DPYD: variants seen among roughly 807,000 people sequenced by gnomAD.
DPYD encodes dihydropyrimidine dehydrogenase, also known as dihydropyrimidine dehydrogenase [NADP(+)].
In DPYD, 109 loss-of-function variants were observed where a neutral mutation model predicts 116.2. The ratio of observed to expected loss-of-function variants is 0.94; its 90% CI spans 0.80 to 1.10. DPYD has a LOEUF of 1.10. Ranked by LOEUF, DPYD falls within the 50% of genes least tolerant of loss-of-function variation. The probability of loss-of-function intolerance (pLI) is 0.00; values close to 1 mark genes in which losing one functional copy is unlikely to be tolerated. For synonymous variants in DPYD, 440 were observed against 432.0 expected (o/e 1.02, Z -0.23); for missense variants, 1,302 against 1,254.5 (o/e 1.04, Z -0.57).
intron 3 of DPYD, among the ~76,000 whole-genome samples, chr1:97,767,632 T>A (rs536502939): frequency 1.3e-5 from 2 of 152,032 alleles, no homozygotes; most frequent in Non-Finnish European, 2.9e-5. Context: ...AAATCCCAAA[T>A]GTGTGAAAGA....
chr1:97,564,530 T>C (rs1156452141), intron 11 of DPYD, among the ~76,000 whole-genome samples: 3 of 152,206 alleles, frequency 2.0e-5, no homozygotes, highest in Non-Finnish European at 2.9e-5. Context: ...TAATTCCCAA[T>C]GTCTGTTTTC....
At chr1:97,654,146 A>G (rs1049434561) in intron 8 of DPYD, among the ~76,000 whole-genome samples, 1 of 152,220 alleles carries the variant, frequency 6.6e-6, no homozygotes, top group South Asian at 2.1e-4. Context: ...GGCCAAATAG[A>G]TTACAGAATA....
intron 20 of DPYD, among the ~76,000 whole-genome samples, chr1:97,147,026 A>C (rs905186830): frequency 1.4e-4 from 22 of 152,164 alleles, no homozygotes; most frequent in Admixed American, 1.0e-3. Flanking sequence ...CTGAAAGATA[A>C]TTTACATGGA....
At chr1:97,676,350 T>C (rs1660144921) in intron 8 of DPYD, among the ~76,000 whole-genome samples, 1 of 152,152 alleles carries the variant, frequency 6.6e-6, no homozygotes, top group Non-Finnish European at 1.5e-5. Flanking sequence ...AAGAATTGAT[T>C]TGTGTAACTT....
rs72732324 is a variant in DPYD at position 97,570,339 on chromosome 1, C to T, written c.1339+3421G>A. Among the ~76,000 whole-genome samples the T allele has an allele frequency of 4.6e-3, 695 of 151,990 alleles. 9 individuals are homozygous for T. Among genetic ancestry groups the T allele is most frequent in the African/African-American group, 0.016 (650 of 41,506 alleles). ...AATTTATCACTGTACTTTATATGTA[C>T]TCTGTCAAGTTTACTTCATTACTTG... On this transcript the variant is annotated intron_variant, in intron 11 of 22. Transcript: ENST00000370192.
intron 16 of DPYD, among the ~76,000 whole-genome samples, chr1:97,308,961 C>T (rs975592223): frequency 5.9e-5 from 9 of 151,664 alleles, no homozygotes; most frequent in Non-Finnish European, 1.3e-4. Flanking sequence ...TATTTCTGGG[C>T]ACTAAAAAAT....
Position 97,570,196 on chromosome 1 carries a change from A to C in DPYD, c.1339+3564T>G, listed in dbSNP as rs145860559. On this transcript the variant is annotated intron_variant, in intron 11 of 22. Coordinates refer to ENST00000370192, the MANE Select transcript of DPYD (RefSeq NM_000110.4). ...CAGAAAAAACTGACATTAAAAATGT[A>C]ATCTCCTTTCAATTTTCCAATTAGC... 4.3e-3 allele frequency among the ~76,000 whole-genome samples: 650 copies of C among 152,128 alleles called. 4 individuals are homozygous for C. The highest frequency in any genetic ancestry group is 6.8e-3 in the Middle Eastern group (2 of 294).
chr1:97,675,583 T>G (rs1229046707), intron 8 of DPYD, among the ~76,000 whole-genome samples: 1 of 152,158 alleles, frequency 6.6e-6, no homozygotes, highest in Admixed American at 6.5e-5. Flanking sequence ...AGGAAACATG[T>G]GAACAGACTT....
At chr1:97,808,356 C>A (rs1030244403) in intron 3 of DPYD, among the ~76,000 whole-genome samples, 5 of 151,928 alleles carry the variant, frequency 3.3e-5, no homozygotes, top group African/African-American at 1.2e-4. Context: ...TAAATATTTC[C>A]TTTTTTGGTG....
intron 3 of DPYD, among the ~76,000 whole-genome samples, chr1:97,760,823 A>G (rs1338796337): frequency 6.6e-6 from 1 of 152,156 alleles, no homozygotes; most frequent in Non-Finnish European, 1.5e-5. Flanking sequence ...TGCTAGTGTA[A>G]TTGAGACCAA....
At chr1:97,789,240 T>C (rs1030508457) in intron 3 of DPYD, among the ~76,000 whole-genome samples, 21 of 152,220 alleles carry the variant, frequency 1.4e-4, no homozygotes, top group African/African-American at 4.6e-4. Context: ...ATAAAATTAA[T>C]CTACTAATTA....
intron 16 of DPYD, among the ~76,000 whole-genome samples, chr1:97,369,456 T>C (rs960045311): frequency 1.3e-5 from 2 of 152,176 alleles, no homozygotes; most frequent in African/African-American, 2.4e-5. Context: ...AATACCTACT[T>C]ATTAGGAACT....
intron 14 of DPYD, among the ~76,000 whole-genome samples, chr1:97,393,725 T>C (rs1672847916): frequency 6.6e-6 from 1 of 152,080 alleles, no homozygotes; most frequent in Admixed American, 6.6e-5. Context: ...CCAAGTCTGC[T>C]ATTGTGAATA....
intron 16 of DPYD, among the ~76,000 whole-genome samples, chr1:97,330,045 T>C (rs1668910525): frequency 1.3e-5 from 2 of 152,078 alleles, no homozygotes; most frequent in African/African-American, 2.4e-5. Context: ...ATTATGTATA[T>C]ATGTATATAA....
chr1:97,630,242 T>G (rs1657173974), intron 8 of DPYD, among the ~76,000 whole-genome samples: 1 of 152,126 alleles, frequency 6.6e-6, no homozygotes, highest in Admixed American at 6.6e-5. Context: ...ATTGGACATT[T>G]TTTATATTTT....
chr1:97,232,831 T>G (rs1661667038), intron 19 of DPYD, among the ~76,000 whole-genome samples: 1 of 152,194 alleles, frequency 6.6e-6, no homozygotes, highest in African/African-American at 2.4e-5. Context: ...TGCTTGTTAA[T>G]GCAATTTTAT....
At chr1:97,521,177 G>A (rs999781989) in intron 12 of DPYD, among the ~76,000 whole-genome samples, 25 of 152,256 alleles carry the variant, frequency 1.6e-4, no homozygotes, top group East Asian at 5.8e-4. Context: ...GCTAACTGGC[G>A]TGAGATGGTA....
intron 1 of DPYD, among the ~76,000 whole-genome samples, chr1:97,890,129 T>C (rs927197703): frequency 2.6e-5 from 4 of 152,008 alleles, no homozygotes; most frequent in African/African-American, 4.8e-5. Context: ...AGAAATGAGA[T>C]GGCTACTATA....
At chr1:97,382,504 C>A (rs1672033135) in intron 14 of DPYD, 43 bp from the exon 15 acceptor site, 1 of 1,190,854 alleles carries the variant, frequency 8.4e-7, no homozygotes, top group Non-Finnish European at 1.2e-6. Context: ...AAGTAGTTAT[C>A]CAGTTGTACA....
Sources: allele counts gnomAD v4.1 joint callset (sites outside exome capture counted in the v4.1 genomes callset), GRCh38; gene constraint gnomAD v4.1.1; transcripts MANE v1.5; gene names NCBI Gene and HGNC (gene_info 2026-07-23, HGNC 2026-07-21).